PTPRS: variants seen among roughly 807,000 people sequenced by gnomAD.
The protein encoded by PTPRS is receptor-type tyrosine-protein phosphatase S.
PTPRS carries 63 observed loss-of-function variants against 215.3 expected under a neutral mutation model. The ratio of observed to expected loss-of-function variants is 0.29; its 90% CI spans 0.24 to 0.36. The LOEUF is 0.36. Among genes scored for constraint, PTPRS ranks in the 10% least tolerant of loss-of-function variants. PTPRS has a pLI of 1.00. For missense variants in PTPRS, 2,258 were observed against 2,825.8 expected, an observed-to-expected ratio of 0.80 and a Z score of 4.56; for synonymous variants, 1,404 against 1,191.4, an observed-to-expected ratio of 1.18 and a Z score of -3.68.
At chr19:5,227,158 C>G (rs901627829) in intron 16 of PTPRS, among the ~76,000 whole-genome samples, 1 of 151,946 alleles carries the variant, frequency 6.6e-6, no homozygotes, top group Admixed American at 6.6e-5. Context: ...GTGATCCTCC[C>G]GCCTTAGCCT....
intron 5 of PTPRS, 98 bp downstream of exon 5, chr19:5,264,910 C>T: frequency 7.2e-7 from 1 of 1,380,150 alleles, no homozygotes; most frequent in Non-Finnish European, 1.0e-6. Flanking sequence ...CTGTCTCTGT[C>T]TGTCCTCCAG....
intron 11 of PTPRS, among the ~76,000 whole-genome samples, chr19:5,240,695 C>T (rs1426328929): frequency 1.3e-5 from 2 of 151,214 alleles, no homozygotes; most frequent in Non-Finnish European, 2.9e-5. Context: ...AAAAATTAGC[C>T]GGGCGCGGTG....
chr19:5,226,263 G>A (rs1414572394), intron 16 of PTPRS, among the ~76,000 whole-genome samples: 1 of 152,172 alleles, frequency 6.6e-6, no homozygotes, highest in Non-Finnish European at 1.5e-5. Context: ...GGCTCTCCTT[G>A]CTGTTCCTCC....
At chr19:5,267,150 C>T (rs960820031) in intron 4 of PTPRS, among the ~76,000 whole-genome samples, 7 of 152,042 alleles carry the variant, frequency 4.6e-5, no homozygotes, top group Admixed American at 1.3e-4. Flanking sequence ...CGCTCGGTAT[C>T]CCTCTTGGGT....
In PTPRS at chr19:5,278,447, C is replaced by A. The variant is rs936027432; in HGVS notation, c.92-4103G>T. ...TCTCAAACTCCTGTCCTCAAGCGAT[C>A]CTCTCACCTCGAGATGCTTTTTGAT... is the stretch of plus-strand genomic sequence containing the variant. On this transcript the variant is annotated intron_variant, in intron 2 of 37. Coordinates refer to ENST00000262963, the MANE Select transcript of PTPRS (RefSeq NM_002850.4). Among the ~76,000 whole-genome samples, 4 of 151,978 alleles carry A rather than the reference C, an allele frequency of 2.6e-5. No individual in the cohort carries two copies. The South Asian group carries it at 8.3e-4, about 32-fold the overall frequency.
At chr19:5,282,594 A>C (rs1023141884) in intron 2 of PTPRS, among the ~76,000 whole-genome samples, 4 of 152,038 alleles carry the variant, frequency 2.6e-5, no homozygotes, top group Non-Finnish European at 5.9e-5. Context: ...CCTGAGGTCA[A>C]GAGTTCAAGA....
chr19:5,287,964 G>GCACACACACA lies in PTPRS; in HGVS notation c.-94-1740_-94-1731dup, dbSNP rs3042434. Reference sequence around the variant, plus strand: ...TCACACAGTCAGGCAGCAGAGACGGGCACACACACACACACACACACACAC... The same window carrying GCACACACACA: ...TCACACAGTCAGGCAGCAGAGACGGGCACACACACACACACACACACACACACACACACAC... On this transcript the variant is annotated intron_variant, in intron 1 of 37. Coordinates refer to ENST00000262963, the MANE Select transcript of PTPRS (RefSeq NM_002850.4). The surrounding 1 kb of genome is among the most constrained non-coding windows in gnomAD (Gnocchi z 4.8). Among the ~76,000 whole-genome samples, 13 of 133,264 alleles carry GCACACACACA rather than the reference G, an allele frequency of 9.8e-5. No individual in the cohort carries two copies. The highest frequency in any genetic ancestry group is 1.5e-4 in the Admixed American group (2 of 13,210). The allele number at this position is 133,264 out of a possible 152,430, so 87.4% of individuals were successfully genotyped here. A position where few individuals can be genotyped will look rare whatever the true frequency, so the allele number is the denominator to read the frequency against.
Position 5,275,307 on chromosome 19 carries a change from T to G in PTPRS, c.92-963A>C, listed in dbSNP as rs147587216. Among the ~76,000 whole-genome samples the G allele has an allele frequency of 5.4e-3, 816 of 152,110 alleles. 10 individuals carry two copies. The highest frequency in any genetic ancestry group is 0.019 in the African/African-American group (793 of 41,534). ...GGATGGTCTCGGTCTCCTGACCTCA[T>G]GATCTGCCTGCCTTCGCCTCCCAAA... On this transcript the variant is annotated intron_variant, in intron 2 of 37. Coordinates refer to ENST00000262963, the MANE Select transcript of PTPRS (RefSeq NM_002850.4).
intron 22 of PTPRS, 60 bp downstream of exon 22, chr19:5,219,879 A>G: frequency 1.3e-6 from 2 of 1,559,954 alleles, no homozygotes; most frequent in Non-Finnish European, 1.8e-6. Context: ...GCCCTGGGGA[A>G]TGGGGTCTGC....
chr19:5,209,536 T>G (rs2040669394), intron 35 of PTPRS, among the ~76,000 whole-genome samples: 1 of 152,222 alleles, frequency 6.6e-6, no homozygotes, highest in South Asian at 2.1e-4. Context: ...CAACCCCATC[T>G]TCCTCAATCT....
intron 1 of PTPRS, among the ~76,000 whole-genome samples, chr19:5,316,264 T>C (rs2049872859): frequency 6.6e-6 from 1 of 152,178 alleles, no homozygotes; most frequent in Non-Finnish European, 1.5e-5. Flanking sequence ...TTTTCTTTCC[T>C]GAACTACATA....
rs2045608600 is a variant in PTPRS, at chr19:5,257,037, A to G, written c.707-918T>C. 2.0e-5 allele frequency among the ~76,000 whole-genome samples: 3 copies of G among 151,728 alleles called. No individual in the cohort carries two copies. The South Asian group carries it at 6.3e-4, about 32-fold the overall frequency. Reference sequence around the variant, plus strand: ...TTGAAGGGCGCCCTGGCATCCTGGCAGAAGCTGTTTCTACCACAAATCTGA... The same window carrying G: ...TTGAAGGGCGCCCTGGCATCCTGGCGGAAGCTGTTTCTACCACAAATCTGA... On this transcript the variant is annotated intron_variant, in intron 8 of 37. Transcript: ENST00000262963. This position sits in a 1 kb window ranked among gnomAD's most constrained non-coding sequence, Gnocchi z 4.4.
chr19:5,276,365 G>C (rs1205946531), intron 2 of PTPRS, among the ~76,000 whole-genome samples: 1 of 151,866 alleles, frequency 6.6e-6, no homozygotes, highest in Middle Eastern at 3.2e-3. Context: ...TGGGATTACA[G>C]GCACGCACCA....
Position 5,257,544 on chromosome 19 carries a change from A to T in PTPRS, c.706+473T>A, listed in dbSNP as rs1040816925. 2.3e-6 allele frequency: 1 copy of T among 438,766 alleles called. No homozygotes were observed. The allele number at this position is 438,766 out of a possible 1,614,324, so 27.2% of individuals were successfully genotyped here. The stretch of plus-strand genomic sequence containing the variant: ...ACTTCTAGATTGAGGGCCCTGGATT[A>T]GGGGGGGCAGTGAAGCGGGGAGCTA... On this transcript the variant is annotated intron_variant, in intron 8 of 37. Transcript: ENST00000262963. The surrounding 1 kb of genome is among the most constrained non-coding windows in gnomAD (Gnocchi z 4.4).
At chr19:5,311,660 G>A (rs1178745426) in intron 1 of PTPRS, among the ~76,000 whole-genome samples, 1 of 152,200 alleles carries the variant, frequency 6.6e-6, no homozygotes, top group East Asian at 1.9e-4. Flanking sequence ...GTTCAGGGGA[G>A]ACCCGAGCTC....
At chr19:5,209,566 T>C (rs1568359986) in intron 35 of PTPRS, among the ~76,000 whole-genome samples, 1 of 152,224 alleles carries the variant, frequency 6.6e-6, no homozygotes, top group Non-Finnish European at 1.5e-5. Context: ...CATTGGTTTA[T>C]ACCATTGACT....
chr19:5,208,109 C>A, intron 36 of PTPRS, 52 bp from the exon 37 acceptor site: 1 of 1,590,720 alleles, frequency 6.3e-7, no homozygotes, highest in Non-Finnish European at 8.6e-7. Context: ...CTGGGGAGCC[C>A]TGATCTGACC....
chr19:5,274,734 C>T (rs1035940265), intron 2 of PTPRS, among the ~76,000 whole-genome samples: 1 of 152,168 alleles, frequency 6.6e-6, no homozygotes, highest in African/African-American at 2.4e-5. Context: ...AAATTCAGCA[C>T]CTGAACCCCC....
chr19:5,278,104 C>G, intron 2 of PTPRS: 1 of 683,366 alleles, frequency 1.5e-6, no homozygotes, highest in Non-Finnish European at 2.4e-6. Flanking sequence ...TCACCAACCC[C>G]AATGCCAGGC....
Sources: allele counts gnomAD v4.1 joint callset (sites outside exome capture counted in the v4.1 genomes callset), GRCh38; gene constraint gnomAD v4.1.1; non-coding constraint Gnocchi (gnomAD v3.1); transcripts MANE v1.5; gene names NCBI Gene and HGNC (gene_info 2026-07-23, HGNC 2026-07-21).